Variants in MACF1 observed in about 807,000 individuals in gnomAD.
MACF1 encodes microtubule-actin cross-linking factor 1.
In MACF1, 193 loss-of-function variants were observed where a neutral mutation model predicts 854.8. The ratio of observed to expected loss-of-function variants is 0.23; its 90% CI spans 0.20 to 0.25. The LOEUF (loss-of-function observed/expected upper bound fraction) is 0.25. Among genes scored for constraint, MACF1 ranks in the 10% least tolerant of loss-of-function variants. The probability of loss-of-function intolerance (pLI) is 1.00; values close to 1 mark genes in which losing one functional copy is unlikely to be tolerated. For missense variants in MACF1, 7,722 were observed against 8,929.1 expected (o/e 0.86, Z 5.45); for synonymous variants, 3,185 against 3,226.7 (o/e 0.99, Z 0.44).
chr1:39,333,022 T>C lies in MACF1; in HGVS notation c.6434T>C (p.Val2145Ala). ...GCTGAGGCGGAAGGTGTGCCGTTGG[T>C]GGTTGACAAAGATGTTTTTTCTGTT... ...PPAEAEGVPL[V>A]VDKDVFSVET... Residue 2145 changes from valine (V) to alanine (A), a missense_variant, in exon 37 of 101, where the codon GTG becomes GCG. By Grantham distance (64) the Val-to-Ala change is moderately conservative. Coordinates refer to ENST00000564288, the MANE Select transcript of MACF1 (RefSeq NM_001394062.1). 1 of 1,614,126 alleles carries C rather than the reference T, an allele frequency of 6.2e-7. No homozygotes were observed. Among genetic ancestry groups the C allele is most frequent in the Non-Finnish European group, 8.5e-7 (1 of 1,180,034 alleles).
intron 14 of MACF1, 44 bp from the exon 15 acceptor site, chr1:39,287,242 C>G: frequency 6.3e-7 from 1 of 1,576,590 alleles, no homozygotes; most frequent in Non-Finnish European, 8.7e-7. Flanking sequence ...AAAAACTATA[C>G]TATAGATTTA....
chr1:39,339,753 A>G (rs1461371397), intron 38 of MACF1, among the ~76,000 whole-genome samples: 1 of 152,206 alleles, frequency 6.6e-6, no homozygotes, highest in East Asian at 1.9e-4. Flanking sequence ...CCAGTCCCCT[A>G]AAAACGTAGA....
At chr1:39,177,731 T>G (rs1288507141) in intron 2 of MACF1, among the ~76,000 whole-genome samples, 1 of 152,032 alleles carries the variant, frequency 6.6e-6, no homozygotes, top group Non-Finnish European at 1.5e-5. Context: ...AACATCTCAG[T>G]TTTGCTCCGG....
intron 28 of MACF1, among the ~76,000 whole-genome samples, chr1:39,316,744 T>A (rs980008858): frequency 6.6e-6 from 1 of 152,202 alleles, no homozygotes; most frequent in Non-Finnish European, 1.5e-5. Flanking sequence ...GTTTTTCTAT[T>A]TATTTTTTCC....
At chr1:39,261,491 A>T (rs545036426) in intron 6 of MACF1, among the ~76,000 whole-genome samples, 1 of 152,240 alleles carries the variant, frequency 6.6e-6, no homozygotes, top group Admixed American at 6.5e-5. Context: ...TCAGGCAGCC[A>T]CTAATTTATT....
intron 40 of MACF1, among the ~76,000 whole-genome samples, chr1:39,343,656 T>C (rs186677460): frequency 9.2e-5 from 14 of 152,326 alleles, no homozygotes; most frequent in Middle Eastern, 6.8e-3. Context: ...TCCTAAATTA[T>C]CATGTTCACA....
In MACF1 at chr1:39,428,001, A is replaced by G; in HGVS notation, c.16517A>G (p.His5506Arg). 6.2e-7 allele frequency: 1 copy of G among 1,614,218 alleles called. No individual in the cohort carries two copies. Among genetic ancestry groups the G allele is most frequent in the South Asian group, 1.1e-5 (1 of 91,084 alleles). The change falls in exon 63 of 101, where the codon CAC becomes CGC. Residue 5506 changes from histidine to arginine, a missense_variant. Physicochemically the swap from His to Arg is conservative, Grantham distance 29. Around this residue, in one of 15 missense-constraint regions of MACF1, gnomAD observed 2,807 missense variants for 3,235.8 expected, o/e 0.87. Coordinates refer to ENST00000564288, the MANE Select transcript of MACF1 (RefSeq NM_001394062.1). ...ATAGAAAACCATGCAACAGATGTGC[A>G]CCAGGCAGTCAAAATTGGGCAGTCC... Reference protein sequence around the residue: ...EDIENHATDVHQAVKIGQSLS... With the variant: ...EDIENHATDVRQAVKIGQSLS...
At position 39,204,994 on chromosome 1, in the gene MACF1, T is replaced by G; in HGVS notation, c.-29T>G. ...GGCCTGCGCTGAGCTTGTGGCTAACTCAAGGGAGGAGAAAGGACGGGCCTG... is the reference window on the plus strand; with the variant it reads ...GGCCTGCGCTGAGCTTGTGGCTAACGCAAGGGAGGAGAAAGGACGGGCCTG... On this transcript the variant is annotated 5_prime_UTR_variant, in exon 1 of 101. Transcript: ENST00000564288. 1 of 702,744 alleles carries G rather than the reference T, an allele frequency of 1.4e-6. No individual in the cohort carries two copies. Among genetic ancestry groups the G allele is most frequent in the South Asian group, 1.5e-5 (1 of 67,566 alleles). 43.5% of individuals were successfully genotyped at this position (702,744 alleles called of 1,614,324 possible).
At chr1:39,166,728 C>T (rs1643886870) in intron 2 of MACF1, among the ~76,000 whole-genome samples, 2 of 151,836 alleles carry the variant, frequency 1.3e-5, no homozygotes, top group South Asian at 4.2e-4. Flanking sequence ...GCTGGGATTA[C>T]AGGCGTGAGC....
At chr1:39,344,491 G>C (rs544680879) in intron 40 of MACF1, among the ~76,000 whole-genome samples, 1 of 152,110 alleles carries the variant, frequency 6.6e-6, no homozygotes, top group South Asian at 2.1e-4. Context: ...CTTGGAAGAG[G>C]GCCAAACGGG....
intron 88 of MACF1, among the ~76,000 whole-genome samples, chr1:39,454,481 CTGTT>C (rs1644397532): frequency 6.6e-6 from 1 of 152,108 alleles, no homozygotes; most frequent in Admixed American, 6.6e-5. Flanking sequence ...AGCCTCTTGA[CTGTT>C]TGGGTGGTCT....
chr1:39,113,021 C>T (rs1571055490), intron 2 of MACF1, among the ~76,000 whole-genome samples: 1 of 152,144 alleles, frequency 6.6e-6, no homozygotes, highest in Admixed American at 6.5e-5. Context: ...AATCTAACCT[C>T]ATGACTCAAT....
intron 6 of MACF1, among the ~76,000 whole-genome samples, chr1:39,259,300 T>G (rs1645130486): frequency 6.6e-6 from 1 of 152,098 alleles, no homozygotes; most frequent in Non-Finnish European, 1.5e-5. Flanking sequence ...TTTGACCGAG[T>G]TTTGCTCTTG....
At chr1:39,325,334 C>T (rs1298578511) in intron 35 of MACF1, among the ~76,000 whole-genome samples, 1 of 152,166 alleles carries the variant, frequency 6.6e-6, no homozygotes. Context: ...ATATCTGTTA[C>T]ATTTGGCAAG....
At chr1:39,180,690 G>A (rs1214946276) in intron 2 of MACF1, among the ~76,000 whole-genome samples, 1 of 152,160 alleles carries the variant, frequency 6.6e-6, no homozygotes, top group Non-Finnish European at 1.5e-5. Flanking sequence ...TTGTGATAGA[G>A]AAATGGATTA....
chr1:39,114,963 G>A (rs1285702705), intron 2 of MACF1, among the ~76,000 whole-genome samples: 2 of 152,162 alleles, frequency 1.3e-5, no homozygotes, highest in Non-Finnish European at 2.9e-5. Context: ...GTAAGGGGAT[G>A]AGCAAGCTTG....
In MACF1 at chr1:39,385,522, T is replaced by G. The variant is rs1282164787; in HGVS notation, c.13937T>G (p.Val4646Gly). The G allele has an allele frequency of 3.1e-6, 5 of 1,614,026 alleles. No individual in the cohort carries two copies. In the African/African-American group the frequency reaches 6.7e-5, roughly 22 times the overall value. Reference sequence around the variant, plus strand: ...GGCATCCTAACAGGCCCTGGAGATGTCTCTCTGTCCACCAGCCAAGTACAG... The same window carrying G: ...GGCATCCTAACAGGCCCTGGAGATGGCTCTCTGTCCACCAGCCAAGTACAG... ...AQGILTGPGD[V>G]SLSTSQVQKE... The change falls in exon 57 of 101, where the codon GTC becomes GGC. Residue 4646 changes from valine (V) to glycine (G), a missense_variant. Physicochemically the swap from Val to Gly is moderately radical, Grantham distance 109. Coordinates refer to ENST00000564288, the MANE Select transcript of MACF1 (RefSeq NM_001394062.1).
At chr1:39,147,194 GTC>G (rs1557482070) in intron 2 of MACF1, among the ~76,000 whole-genome samples, 1 of 128,554 alleles carries the variant, frequency 7.8e-6, no homozygotes, top group Admixed American at 9.3e-5. Context: ...CTCCTTTCTC[GTC>G]TCTCCTCTCC....
At chr1:39,374,881 C>T (rs561403574) in intron 52 of MACF1, among the ~76,000 whole-genome samples, 10 of 152,190 alleles carry the variant, frequency 6.6e-5, no homozygotes, top group African/African-American at 1.4e-4. Flanking sequence ...GAGGCCGAGA[C>T]GGGTGGATCA....
Sources: allele counts gnomAD v4.1 joint callset (sites outside exome capture counted in the v4.1 genomes callset), GRCh38; gene constraint gnomAD v4.1.1; regional missense constraint gnomAD v4.1.1; transcripts MANE v1.5; gene names NCBI Gene and HGNC (gene_info 2026-07-23, HGNC 2026-07-21).